Variants in CTNNA2 observed in about 807,000 individuals in gnomAD.
CTNNA2 encodes the protein catenin alpha-2.
Under a neutral mutation model 101.0 loss-of-function variants are expected in CTNNA2, and 42 were observed. That is an observed-to-expected ratio of 0.42 (90% CI 0.32 to 0.54). CTNNA2 has a LOEUF of 0.54. Ranked by LOEUF, CTNNA2 falls within the 20% of genes least tolerant of loss-of-function variation. The pLI, the probability that CTNNA2 is intolerant of heterozygous loss-of-function variation, is 0.14. For synonymous variants in CTNNA2, 450 were observed against 456.4 expected (o/e 0.99, Z 0.18); for missense variants, 871 against 1,223.1 (o/e 0.71, Z 4.29).
chr2:79,326,108 C>G (rs958908390), intron 3 of CTNNA2, among the ~76,000 whole-genome samples: 2 of 152,138 alleles, frequency 1.3e-5, no homozygotes, highest in Non-Finnish European at 2.9e-5. Flanking sequence ...TAGTTCATCA[C>G]CCATTCATTC....
At chr2:79,366,662 G>A (rs1476280332) in intron 3 of CTNNA2, among the ~76,000 whole-genome samples, 1 of 152,168 alleles carries the variant, frequency 6.6e-6, no homozygotes. Flanking sequence ...TCATAAGAGA[G>A]TTATCAGAGG....
chr2:79,188,418 G>A (rs1249056050), intron 1 of CTNNA2, among the ~76,000 whole-genome samples: 2 of 152,164 alleles, frequency 1.3e-5, no homozygotes, highest in Non-Finnish European at 2.9e-5. Context: ...AGGCAGAAGT[G>A]TCACCTGGGG....
At chr2:79,216,921 A>T (rs1674270917) in intron 2 of CTNNA2, among the ~76,000 whole-genome samples, 1 of 152,164 alleles carries the variant, frequency 6.6e-6, no homozygotes, top group Non-Finnish European at 1.5e-5. Flanking sequence ...TGGGTAAATA[A>T]TCAGAGAGGC....
intron 2 of CTNNA2, among the ~76,000 whole-genome samples, chr2:79,275,630 GTTA>G (rs752585452): frequency 8.3e-4 from 126 of 151,996 alleles, no homozygotes; most frequent in African/African-American, 2.0e-3. Flanking sequence ...ATATTATGAT[GTTA>G]TTATTTAAAA....
intron 2 of CTNNA2, among the ~76,000 whole-genome samples, chr2:79,686,066 A>G (rs1225637791): frequency 6.6e-6 from 1 of 152,142 alleles, no homozygotes; most frequent in Admixed American, 6.5e-5. Flanking sequence ...ACAAAGAAGC[A>G]TGAAATTTGA....
At chr2:80,440,190 A>T (rs1682434764) in intron 9 of CTNNA2, among the ~76,000 whole-genome samples, 1 of 152,166 alleles carries the variant, frequency 6.6e-6, no homozygotes, top group Admixed American at 6.6e-5. Context: ...TAATTTGCTC[A>T]CTGTCTCTCT....
intron 7 of CTNNA2, among the ~76,000 whole-genome samples, chr2:80,344,975 C>A (rs1321443477): frequency 2.6e-5 from 4 of 152,154 alleles, no homozygotes; most frequent in Non-Finnish European, 5.9e-5. Flanking sequence ...CTGTTTCTCA[C>A]CACTTCCGAT....
At chr2:79,210,767 G>A (rs1437722572) in intron 2 of CTNNA2, among the ~76,000 whole-genome samples, 2 of 151,968 alleles carry the variant, frequency 1.3e-5, no homozygotes, top group Non-Finnish European at 2.9e-5. Flanking sequence ...CCATCACCTG[G>A]AGCAAGTGAG....
At chr2:79,860,036 T>C (rs1056269945) in intron 4 of CTNNA2, among the ~76,000 whole-genome samples, 1 of 152,152 alleles carries the variant, frequency 6.6e-6, no homozygotes, top group Admixed American at 6.5e-5. Flanking sequence ...GAACCACTTG[T>C]AGGCTGCCAC....
At chr2:80,176,194 A>G (rs1007096685) in intron 7 of CTNNA2, among the ~76,000 whole-genome samples, 2 of 152,240 alleles carry the variant, frequency 1.3e-5, no homozygotes, top group African/African-American at 4.8e-5. Flanking sequence ...TAATCTTCAA[A>G]TAAAGACAAT....
intron 7 of CTNNA2, among the ~76,000 whole-genome samples, chr2:79,942,252 G>A (rs1688210157): frequency 6.6e-6 from 1 of 152,134 alleles, no homozygotes; most frequent in African/African-American, 2.4e-5. Flanking sequence ...ACTCTAGATG[G>A]CTGGACAGAC....
chr2:80,624,730 T>C (rs1448467152), intron 18 of CTNNA2, among the ~76,000 whole-genome samples: 1 of 152,000 alleles, frequency 6.6e-6, no homozygotes, highest in African/African-American at 2.4e-5. Context: ...TTTCTGCCGT[T>C]AATTTCAGTG....
intron 9 of CTNNA2, among the ~76,000 whole-genome samples, chr2:80,449,517 A>AT (rs1683326353): frequency 6.6e-6 from 1 of 152,138 alleles, no homozygotes; most frequent in African/African-American, 2.4e-5. Context: ...ACTTAAAATG[A>AT]TTTTTAATGG....
chr2:79,619,541 C>G (rs1479258367), intron 1 of CTNNA2, among the ~76,000 whole-genome samples: 2 of 152,032 alleles, frequency 1.3e-5, no homozygotes, highest in Admixed American at 6.6e-5. Context: ...TACTTTATAC[C>G]TTGAGTTGTT....
chr2:80,573,242 A>G (rs1694757258), intron 12 of CTNNA2: 2 of 152,228 alleles, frequency 1.3e-5, no homozygotes, highest in African/African-American at 4.8e-5. Flanking sequence ...TTTGAGAATC[A>G]GTGAATCAGC....
At chr2:79,579,702 C>T (rs1284008540) in intron 1 of CTNNA2, among the ~76,000 whole-genome samples, 2 of 152,128 alleles carry the variant, frequency 1.3e-5, no homozygotes, top group African/African-American at 4.8e-5. Flanking sequence ...GCAACCTCCT[C>T]CTCCTGGGTT....
intron 3 of CTNNA2, among the ~76,000 whole-genome samples, chr2:79,753,894 A>T (rs1171959890): frequency 8.7e-6 from 1 of 114,758 alleles, no homozygotes; most frequent in Admixed American, 1.1e-4. Flanking sequence ...TTTGAGATGG[A>T]GTCTTGCTCT....
chr2:80,399,457 T>C (rs1372063706), intron 8 of CTNNA2, among the ~76,000 whole-genome samples: 3 of 152,204 alleles, frequency 2.0e-5, no homozygotes, highest in Non-Finnish European at 4.4e-5. Flanking sequence ...CTAGCAAGTC[T>C]AGATCACACA....
intron 7 of CTNNA2, among the ~76,000 whole-genome samples, chr2:80,312,364 T>C (rs1677673496): frequency 6.6e-6 from 1 of 152,136 alleles, no homozygotes; most frequent in Non-Finnish European, 1.5e-5. Flanking sequence ...GGGTGAGTAG[T>C]TGGTGGGGAC....
Sources: gnomAD v4.1 joint callset for allele counts (sites outside exome capture counted in the v4.1 genomes callset) on GRCh38, gnomAD v4.1.1 for gene constraint, MANE v1.5 for transcripts, NCBI Gene and HGNC (gene_info 2026-07-23, HGNC 2026-07-21) for gene names.